Variants in GPM6A observed in about 807,000 individuals in gnomAD.
GPM6A encodes glycoprotein M6A.
A neutral mutation model predicts 32.1 loss-of-function variants in GPM6A; 7 were observed. That is an observed-to-expected ratio of 0.22 (90% confidence interval 0.12 to 0.41). The LOEUF is 0.41. Ranked by LOEUF, GPM6A falls within the 10% of genes least tolerant of loss-of-function variation. The pLI, the probability that GPM6A is intolerant of heterozygous loss-of-function variation, is 1.00. For synonymous variants in GPM6A, 130 were observed against 123.4 expected, an observed-to-expected ratio of 1.05 and a Z score of -0.35; for missense variants, 235 against 347.2, an observed-to-expected ratio of 0.68 and a Z score of 2.57.
At chr4:175,794,805 T>C (rs1734153525) in intron 1 of GPM6A, among the ~76,000 whole-genome samples, 2 of 150,556 alleles carry the variant, frequency 1.3e-5, no homozygotes, top group South Asian at 2.1e-4. Context: ...AATGATAAGA[T>C]TGGGTAGTAG....
chr4:175,901,140 G>T (rs1053829910), intron 1 of GPM6A, among the ~76,000 whole-genome samples: 2 of 148,916 alleles, frequency 1.3e-5, no homozygotes, highest in Non-Finnish European at 3.0e-5. Context: ...ATAGTGGGGG[G>T]CTGAGGGCGA....
chr4:175,897,330 T>G (rs1737826576), intron 1 of GPM6A, among the ~76,000 whole-genome samples: 1 of 152,094 alleles, frequency 6.6e-6, no homozygotes, highest in South Asian at 2.1e-4. Flanking sequence ...CCCTGGCTTC[T>G]CCTTACTTCC....
intron 6 of GPM6A, among the ~76,000 whole-genome samples, chr4:175,637,306 A>T (rs1368099338): frequency 1.2e-5 from 1 of 80,762 alleles, no homozygotes; most frequent in Non-Finnish European, 2.2e-5. Context: ...ATTATATATT[A>T]TATATAATAT....
chr4:175,761,927 T>C (rs1732761380), intron 1 of GPM6A, among the ~76,000 whole-genome samples: 1 of 152,126 alleles, frequency 6.6e-6, no homozygotes. Flanking sequence ...TCCAAGTAGT[T>C]ACGATTACAG....
chr4:175,718,538 C>A (rs1745956319), intron 1 of GPM6A, among the ~76,000 whole-genome samples: 1 of 152,134 alleles, frequency 6.6e-6, no homozygotes, highest in African/African-American at 2.4e-5. Flanking sequence ...ATCGCTTGAG[C>A]CCGGGAGACG....
At chr4:175,711,960 A>G (rs1439315290) in intron 1 of GPM6A, among the ~76,000 whole-genome samples, 1 of 152,206 alleles carries the variant, frequency 6.6e-6, no homozygotes, top group Non-Finnish European at 1.5e-5. Flanking sequence ...GGCAACTGCA[A>G]TAAAATTAAA....
At chr4:175,808,366 G>T (rs951555985) in intron 1 of GPM6A, among the ~76,000 whole-genome samples, 3 of 152,070 alleles carry the variant, frequency 2.0e-5, no homozygotes, top group Non-Finnish European at 2.9e-5. Context: ...AACAATAATT[G>T]TACAGTATTT....
At chr4:175,969,876 A>G (rs933542625) in intron 1 of GPM6A, among the ~76,000 whole-genome samples, 17 of 152,210 alleles carry the variant, frequency 1.1e-4, no homozygotes, top group African/African-American at 2.9e-4. Flanking sequence ...TTAATCTAAA[A>G]TGGCTCTAAA....
intron 2 of GPM6A, among the ~76,000 whole-genome samples, chr4:175,698,200 G>A (rs1294598735): frequency 2.6e-5 from 4 of 152,116 alleles, no homozygotes; most frequent in African/African-American, 9.7e-5. Context: ...ACTGGAACTG[G>A]TTTTATCTTT....
At chr4:175,677,860 CGTG>C (rs1743463965) in intron 2 of GPM6A, among the ~76,000 whole-genome samples, 1 of 152,066 alleles carries the variant, frequency 6.6e-6, no homozygotes, top group African/African-American at 2.4e-5. Context: ...TCATGAAAAA[CGTG>C]GTCACAGATT....
At chr4:175,843,478 CT>C (rs1482949233) in intron 1 of GPM6A, among the ~76,000 whole-genome samples, 3 of 152,140 alleles carry the variant, frequency 2.0e-5, no homozygotes, top group Non-Finnish European at 4.4e-5. Flanking sequence ...CCGAGTGACC[CT>C]CATGAACTTA....
intron 1 of GPM6A, among the ~76,000 whole-genome samples, chr4:175,823,298 A>G (rs1735335244): frequency 6.6e-6 from 1 of 152,260 alleles, no homozygotes; most frequent in African/African-American, 2.4e-5. Context: ...TGCTATATTA[A>G]CAACAATGAA....
rs537715596 is a variant in GPM6A at position 175,656,340 on chromosome 4, T to A, written c.388-4353A>T. ...GTAGCATTTCATCAGAACATGCAAA[T>A]GTCTGGCAAAACAAGCATCCTCCTA... is the stretch of plus-strand genomic sequence containing the variant. On this transcript the variant is annotated intron_variant, in intron 3 of 6. Transcript: ENST00000393658. 5.3e-5 allele frequency among the ~76,000 whole-genome samples: 8 copies of A among 152,262 alleles called. No homozygotes were observed. In the South Asian group the frequency reaches 1.7e-3, roughly 32 times the overall value.
intron 1 of GPM6A, among the ~76,000 whole-genome samples, chr4:175,996,981 C>A (rs1237808603): frequency 2.0e-5 from 3 of 151,960 alleles, no homozygotes; most frequent in African/African-American, 7.3e-5. Context: ...TCTTGGGATG[C>A]TGCCTCTTGA....
intron 1 of GPM6A, among the ~76,000 whole-genome samples, chr4:175,758,706 A>T (rs1350475430): frequency 6.6e-6 from 1 of 152,090 alleles, no homozygotes; most frequent in Non-Finnish European, 1.5e-5. Context: ...TAACAGTAGG[A>T]AAGTCCTAGT....
chr4:175,733,531 C>T (rs189792298), intron 1 of GPM6A, among the ~76,000 whole-genome samples: 37 of 152,100 alleles, frequency 2.4e-4, no homozygotes, highest in African/African-American at 8.4e-4. Flanking sequence ...AACAAGCAAA[C>T]TAAACTCAAT....
At chr4:175,734,362 A>T (rs1022956959) in intron 1 of GPM6A, among the ~76,000 whole-genome samples, 1 of 151,948 alleles carries the variant, frequency 6.6e-6, no homozygotes, top group African/African-American at 2.4e-5. Flanking sequence ...CACTCAGTGG[A>T]TCTCTGTGCA....
At chr4:175,915,533 T>C (rs4690645) in intron 1 of GPM6A, among the ~76,000 whole-genome samples, 130,441 of 152,056 alleles carry the variant, frequency 0.86, 56,025 homozygotes, top group East Asian at 1. Flanking sequence ...CTCGAACTCC[T>C]GACCTCAAGG....
intron 1 of GPM6A, among the ~76,000 whole-genome samples, chr4:175,840,168 G>A (rs193140124): frequency 2.0e-4 from 30 of 152,226 alleles, no homozygotes; most frequent in African/African-American, 6.7e-4. Flanking sequence ...CATAATTAGC[G>A]TTAAATCTAA....
Sources: gnomAD v4.1 joint callset for allele counts (sites outside exome capture counted in the v4.1 genomes callset) on GRCh38, gnomAD v4.1.1 for gene constraint, MANE v1.5 for transcripts, NCBI Gene and HGNC (gene_info 2026-07-23, HGNC 2026-07-21) for gene names.